Variants in CFAP54 observed in about 807,000 individuals in gnomAD.
CFAP54 encodes the protein cilia- and flagella-associated protein 54.
Under a neutral mutation model 370.4 loss-of-function variants are expected in CFAP54, and 290 were observed. The ratio of observed to expected loss-of-function variants is 0.78; its 90% CI spans 0.71 to 0.86. The LOEUF (loss-of-function observed/expected upper bound fraction) is 0.86, where lower values mean the gene tolerates loss of function less well. Among genes scored for constraint, CFAP54 ranks in the 40% least tolerant of loss-of-function variants. The pLI is 0.00. For missense variants in CFAP54, 3,399 were observed against 3,528.7 expected (o/e 0.96, Z 0.93); for synonymous variants, 1,206 against 1,236.5 (o/e 0.98, Z 0.52).
intron 63 of CFAP54, among the ~76,000 whole-genome samples, chr12:96,797,442 T>G (rs1431662876): frequency 6.6e-6 from 1 of 152,132 alleles, no homozygotes; most frequent in East Asian, 1.9e-4. Context: ...TCTTTCACTA[T>G]GATTGTCATT....
intron 46 of CFAP54, among the ~76,000 whole-genome samples, chr12:96,702,225 G>A (rs112632836): frequency 2.6e-5 from 4 of 152,028 alleles, no homozygotes; most frequent in South Asian, 4.2e-4. Flanking sequence ...CCAGATAGGA[G>A]CATGTTAAGT....
chr12:96,621,549 AG>A, intron 26 of CFAP54, 40 bp from the exon 27 acceptor site: 1 of 1,336,268 alleles, frequency 7.5e-7, no homozygotes, highest in Non-Finnish European at 9.9e-7. Flanking sequence ...AAAATAGACA[AG>A]AATGTCCAAC....
intron 30 of CFAP54, among the ~76,000 whole-genome samples, chr12:96,628,354 A>T (rs1956568470): frequency 6.6e-6 from 1 of 152,194 alleles, no homozygotes; most frequent in Non-Finnish European, 1.5e-5. Flanking sequence ...GAGGAGTTTA[A>T]TTTATTCAAT....
chr12:96,502,478 TTAGTTG>T (rs1367403432), intron 2 of CFAP54, among the ~76,000 whole-genome samples: 3 of 152,200 alleles, frequency 2.0e-5, no homozygotes, highest in African/African-American at 7.2e-5. Context: ...TATTTTTATT[TTAGTTG>T]TAGTAAAGAT....
chr12:96,853,765 C>T (rs1023092118), intron 66 of CFAP54, among the ~76,000 whole-genome samples: 1 of 152,064 alleles, frequency 6.6e-6, no homozygotes, highest in African/African-American at 2.4e-5. Flanking sequence ...TCCTGAGAAC[C>T]AACAAGGATT....
intron 17 of CFAP54, among the ~76,000 whole-genome samples, chr12:96,562,395 A>G (rs974787423): frequency 2.7e-5 from 4 of 149,526 alleles, no homozygotes; most frequent in Non-Finnish European, 4.5e-5. Context: ...TCAATTTGAT[A>G]CATACTTGTG....
intron 5 of CFAP54, among the ~76,000 whole-genome samples, chr12:96,513,427 T>C (rs920653801): frequency 6.6e-6 from 1 of 152,122 alleles, no homozygotes; most frequent in Non-Finnish European, 1.5e-5. Flanking sequence ...TAATTATCAG[T>C]AGTGCCCACT....
chr12:96,679,194 A>G (rs1957243868), intron 39 of CFAP54, among the ~76,000 whole-genome samples: 1 of 152,088 alleles, frequency 6.6e-6, no homozygotes. Flanking sequence ...GCAGATGCCC[A>G]TCTCCAAGCA....
At chr12:96,613,357 C>A (rs535545701) in intron 26 of CFAP54, among the ~76,000 whole-genome samples, 68 of 152,230 alleles carry the variant, frequency 4.5e-4, no homozygotes, top group African/African-American at 1.5e-3. Context: ...ATCTCTGGGA[C>A]ACATTTAAGG....
chr12:96,693,340 A>G (rs1279049447), intron 44 of CFAP54, among the ~76,000 whole-genome samples: 1 of 152,136 alleles, frequency 6.6e-6, no homozygotes, highest in African/African-American at 2.4e-5. Flanking sequence ...TAAATTTTCC[A>G]TTTATTTGGT....
chr12:96,651,672 C>T lies in CFAP54; in HGVS notation c.4957C>T (p.Leu1653Phe), dbSNP rs748221372. 1.2e-6 allele frequency: 2 copies of T among 1,614,126 alleles called. No homozygotes were observed. Among genetic ancestry groups the T allele is most frequent in the African/African-American group, 2.7e-5 (2 of 75,046 alleles). ...GAACTTTACTCAGGAACTACAAATA[C>T]TTCTTAAACAGGCAGTGGATCTTGA... Reference protein sequence around the residue: ...LWNFTQELQILLKQAVDLDKT... With the variant: ...LWNFTQELQIFLKQAVDLDKT... The change falls in exon 36 of 68, where the codon CTT (leucine) becomes TTT (phenylalanine). Residue 1653 changes from leucine to phenylalanine, a missense_variant. Around this residue, in one of 3 missense-constraint regions of CFAP54, gnomAD observed 2,796 missense variants for 2,869.7 expected, o/e 0.97. Coordinates refer to ENST00000524981, the MANE Select transcript of CFAP54 (RefSeq NM_001306084.2).
At chr12:96,856,182 C>G (rs1959698696) in intron 66 of CFAP54, among the ~76,000 whole-genome samples, 2 of 152,198 alleles carry the variant, frequency 1.3e-5, no homozygotes, top group South Asian at 2.1e-4. Flanking sequence ...AGGGGCCATC[C>G]TGGACCCGGC....
At chr12:96,662,279 G>A (rs1249541918) in intron 38 of CFAP54, among the ~76,000 whole-genome samples, 7 of 152,036 alleles carry the variant, frequency 4.6e-5, no homozygotes, top group Admixed American at 2.0e-4. Context: ...ATCTTGCCTC[G>A]CTGCAACCTC....
intron 17 of CFAP54, among the ~76,000 whole-genome samples, chr12:96,563,770 A>G (rs1955838084): frequency 6.6e-6 from 1 of 152,246 alleles, no homozygotes; most frequent in South Asian, 2.1e-4. Flanking sequence ...GCATATCTCC[A>G]AGGACCAAAA....
rs1451794644 is a variant in CFAP54 at position 96,657,929 on chromosome 12, T to C, written c.5148T>C (p.Asn1716=). ...TCAGTGTTCCAAGCTGTTATGGGAA[T>C]ATTAAAAATGACAACGGTGGTTCTA... The part of the protein sequence containing the change: ...GEFSVPSCYG[N]IKNDNGGSSL... Residue 1716 remains asparagine, a synonymous_variant, in exon 37 of 68, where the codon AAT becomes AAC. Transcript: ENST00000524981. 5 of 1,613,874 alleles carry C rather than the reference T, an allele frequency of 3.1e-6. No homozygotes were observed. The East Asian group carries it at 8.9e-5, about 29-fold the overall frequency.
intron 19 of CFAP54, among the ~76,000 whole-genome samples, chr12:96,569,181 C>G (rs763474297): frequency 2.6e-5 from 4 of 152,130 alleles, no homozygotes; most frequent in Admixed American, 6.6e-5. Context: ...CTCCTCCATC[C>G]AAGTGTTGGC....
Position 96,792,371 on chromosome 12 carries a change from CCTGTTTCAGG to C in CFAP54, c.8725_8734del (p.Val2909HisfsTer6). The C allele has an allele frequency of 6.5e-7, 1 of 1,535,544 alleles. No homozygotes were observed. Among genetic ancestry groups the C allele is most frequent in the East Asian group, 2.4e-5 (1 of 40,892 alleles). ...TGTACAATCCATTTTATCTTTTAAG[CCTGTTTCAGG>C]CTCATCTTGTGTGGACATAACGCCA... On this transcript the variant is annotated frameshift_variant, in exon 63 of 68. Coordinates refer to ENST00000524981, the MANE Select transcript of CFAP54 (RefSeq NM_001306084.2). LOFTEE classifies it high-confidence loss of function.
intron 57 of CFAP54, 137 bp downstream of exon 57, chr12:96,756,700 C>T (rs939178259): frequency 4.7e-6 from 3 of 644,868 alleles, no homozygotes; most frequent in African/African-American, 1.9e-5. Context: ...CCATCTCAAG[C>T]TTGTTGCTCT....
chr12:96,647,697 T>G (rs994510809), intron 33 of CFAP54, among the ~76,000 whole-genome samples, 178 bp from the exon 34 acceptor site: 2 of 152,042 alleles, frequency 1.3e-5, no homozygotes, highest in African/African-American at 4.8e-5. Flanking sequence ...AAAATTACAT[T>G]GCATAATTTT....
Sources: gnomAD v4.1 joint callset for allele counts (sites outside exome capture counted in the v4.1 genomes callset) on GRCh38, gnomAD v4.1.1 for gene constraint, gnomAD v4.1.1 regional missense constraint, MANE v1.5 for transcripts, NCBI Gene and HGNC (gene_info 2026-07-23, HGNC 2026-07-21) for gene names.